The following CAMSAP3 variants were observed in gnomAD, a reference collection of about 807,000 sequenced individuals.
CAMSAP3 encodes calmodulin-regulated spectrin-associated protein 3.
In CAMSAP3, 34 loss-of-function variants were observed where a neutral mutation model predicts 112.5. The ratio of observed to expected loss-of-function variants is 0.30; its 90% CI spans 0.23 to 0.40. The LOEUF (loss-of-function observed/expected upper bound fraction) is 0.40. Ranked by LOEUF, CAMSAP3 falls within the 10% of genes least tolerant of loss-of-function variation. CAMSAP3 has a pLI of 1.00. For synonymous variants in CAMSAP3, 868 were observed against 799.8 expected (o/e 1.09, Z -1.44); for missense variants, 1,602 against 1,770.3 (o/e 0.90, Z 1.71).
Position 7,595,978 on chromosome 19 carries a change from C to T in CAMSAP3, c.-25C>T, listed in dbSNP as rs920177140. The T allele has an allele frequency of 2.9e-6, 3 of 1,051,120 alleles. No homozygotes were observed. Among genetic ancestry groups the T allele is most frequent in the Non-Finnish European group, 3.5e-6 (3 of 866,410 alleles). 65.1% of individuals were successfully genotyped at this position (1,051,120 alleles called of 1,614,324 possible). On this transcript the variant is annotated 5_prime_UTR_variant, in exon 1 of 17. Coordinates refer to ENST00000160298, the MANE Select transcript of CAMSAP3 (RefSeq NM_020902.2). ...GCCCAGCCCAGTCCGAGCGCGGACC[C>T]GGCGCCCGCAGCCCCGGCGCCGCCA... is the stretch of plus-strand genomic sequence containing the variant.
In CAMSAP3 at chr19:7,615,325, G is replaced by A. The variant is rs1327667319; in HGVS notation, c.2810+3G>A. 4.5e-6 allele frequency: 7 copies of A among 1,544,312 alleles called. No individual in the cohort carries two copies. In the Admixed American group the frequency reaches 1.4e-4, roughly 30 times the overall value. ...CAGCGGAGGGAGGAGGCCGCGAGGTGAGGCCGGGCCTGCCCGGGACGCCCG... is the reference window on the plus strand; with the variant it reads ...CAGCGGAGGGAGGAGGCCGCGAGGTAAGGCCGGGCCTGCCCGGGACGCCCG... On this transcript the variant is annotated splice_donor_region_variant and intron_variant, in intron 12 of 16. Transcript: ENST00000160298. The surrounding 1 kb of genome is among the most constrained non-coding windows in gnomAD (Gnocchi z 6.5).
chr19:7,598,119 G>A (rs2024475433), intron 1 of CAMSAP3, among the ~76,000 whole-genome samples: 1 of 152,144 alleles, frequency 6.6e-6, no homozygotes, highest in Non-Finnish European at 1.5e-5. Flanking sequence ...GGCAGAGGGG[G>A]ATGGGCAGGA....
In CAMSAP3 at chr19:7,610,606, G is replaced by T. The variant is rs368708110; in HGVS notation, c.891G>T (p.Pro297=). Reference sequence around the variant, plus strand: ...TTGAGGACTTGCTGTACGTCCCACCGCCACTCAAGGTAAGGCCATCCTGGG... The same window carrying T: ...TTGAGGACTTGCTGTACGTCCCACCTCCACTCAAGGTAAGGCCATCCTGGG... ...LSLEDLLYVP[P]PLKVNLVVML... The change falls in exon 6 of 17, where the codon CCG becomes CCT. Residue 297 remains proline, a synonymous_variant. Coordinates refer to ENST00000160298, the MANE Select transcript of CAMSAP3 (RefSeq NM_020902.2). The surrounding 1 kb of genome is among the most constrained non-coding windows in gnomAD (Gnocchi z 4.9). 1.2e-6 allele frequency: 2 copies of T among 1,613,496 alleles called. 1 individual carries two copies.
intron 1 of CAMSAP3, among the ~76,000 whole-genome samples, chr19:7,600,963 TATCCATCCATCC>T (rs528936186): frequency 1.4e-4 from 17 of 124,324 alleles, no homozygotes; most frequent in Non-Finnish European, 2.8e-4. Flanking sequence ...TTCATCCATT[TATCCATCCATCC>T]ATCCATCCAT....
At chr19:7,606,223 C>CA in intron 2 of CAMSAP3, 48 bp from the exon 3 acceptor site, 1 of 1,353,204 alleles carries the variant, frequency 7.4e-7, no homozygotes, top group African/African-American at 1.6e-5. Context: ...GGCCGAGGTG[C>CA]GCCTCCTGCA....
In CAMSAP3 at chr19:7,605,293, C is replaced by T; in HGVS notation, c.216C>T (p.Pro72=). Reference sequence around the variant, plus strand: ...AGTACGCGCAGGAGCATGTGAAGCCCCCGGTGACACGGCTGCTGCTCTCAG... The same window carrying T: ...AGTACGCGCAGGAGCATGTGAAGCCTCCGGTGACACGGCTGCTGCTCTCAG... ...TDQYAQEHVK[P]PVTRLLLSAE... is the part of the protein sequence containing the mutation. Residue 72 remains proline, a synonymous_variant, in exon 2 of 17, where the codon CCC becomes CCT. Coordinates refer to ENST00000160298, the MANE Select transcript of CAMSAP3 (RefSeq NM_020902.2). The T allele has an allele frequency of 1.2e-6, 2 of 1,611,656 alleles. No homozygotes were observed. Among genetic ancestry groups the T allele is most frequent in the Non-Finnish European group, 1.7e-6 (2 of 1,178,982 alleles).
In CAMSAP3 at chr19:7,612,317, G is replaced by A. The variant is rs1201263769; in HGVS notation, c.1824G>A (p.Glu608=). The change falls in exon 11 of 17, where the codon GAG becomes GAA. Residue 608 remains glutamate (E), a synonymous_variant. Transcript: ENST00000160298. ...TGAGTGAGCTCAGCGCCCGGCTGGA[G>A]GAGAAACGCAGAGCCATCGAGGCTC... ...SEMSELSARL[E]EKRRAIEAQK... 5.0e-6 allele frequency: 8 copies of A among 1,605,488 alleles called. No homozygotes were observed. In the South Asian group the frequency reaches 8.9e-5, roughly 18 times the overall value.
At position 7,615,167 on chromosome 19, in the gene CAMSAP3, C is replaced by T. The variant is rs1288960318; in HGVS notation, c.2671-16C>T. Reference sequence around the variant, plus strand: ...GGGGGAGGGGGTGGCTGGCTGGACTCGGCGTCTGTCCCCAGGATGAAGACA... The same window carrying T: ...GGGGGAGGGGGTGGCTGGCTGGACTTGGCGTCTGTCCCCAGGATGAAGACA... On this transcript the variant is annotated splice_polypyrimidine_tract_variant and intron_variant, in intron 11 of 16. Transcript: ENST00000160298. This position sits in a 1 kb window ranked among gnomAD's most constrained non-coding sequence, Gnocchi z 6.5. The T allele has an allele frequency of 3.9e-6, 6 of 1,553,470 alleles. No homozygotes were observed. Among genetic ancestry groups the T allele is most frequent in the East Asian group, 2.4e-5 (1 of 41,250 alleles).
rs984129581 is a variant in CAMSAP3, at chr19:7,610,435, C to T, written c.761-41C>T. 6.4e-7 allele frequency: 1 copy of T among 1,569,034 alleles called. No individual in the cohort carries two copies. The highest frequency in any genetic ancestry group is 8.6e-7 in the Non-Finnish European group (1 of 1,156,942). Reference sequence around the variant, plus strand: ...CTGGCTTCCCTGGGGCCCCATCCTCCTCCTCATAGAGTTGGGGACCCACTC... The same window carrying T: ...CTGGCTTCCCTGGGGCCCCATCCTCTTCCTCATAGAGTTGGGGACCCACTC... On this transcript the variant is annotated intron_variant, in intron 5 of 16. Coordinates refer to ENST00000160298, the MANE Select transcript of CAMSAP3 (RefSeq NM_020902.2). The surrounding 1 kb of genome is among the most constrained non-coding windows in gnomAD (Gnocchi z 4.9).
At position 7,617,763 on chromosome 19, in the gene CAMSAP3, A is replaced by G. The variant is rs748356578; in HGVS notation, c.3456A>G (p.Lys1152=). The part of the protein sequence containing the change: ...QKNRILEEIE[K]SKANHFLILF... ...GCACTCCTGCCCAGGAAATTGAGAA[A>G]AGCAAGGCCAACCACTTCCTGATCC... Residue 1152 remains lysine (K), a synonymous_variant, in exon 17 of 17, where the codon AAA becomes AAG. Transcript: ENST00000160298. This position sits in a 1 kb window ranked among gnomAD's most constrained non-coding sequence, Gnocchi z 7.5. 2.5e-6 allele frequency: 4 copies of G among 1,611,882 alleles called. No homozygotes were observed. Among genetic ancestry groups the G allele is most frequent in the Non-Finnish European group, 3.4e-6 (4 of 1,178,408 alleles).
intron 1 of CAMSAP3, among the ~76,000 whole-genome samples, chr19:7,598,989 G>A (rs1408381839): frequency 6.6e-6 from 1 of 152,014 alleles, no homozygotes; most frequent in Non-Finnish European, 1.5e-5. Context: ...AGGATTAAAT[G>A]ACTGGATGCA....
chr19:7,608,493 A>C (rs1432610842), intron 5 of CAMSAP3, among the ~76,000 whole-genome samples: 1 of 152,184 alleles, frequency 6.6e-6, no homozygotes, highest in Non-Finnish European at 1.5e-5. Flanking sequence ...TCATTCCTGC[A>C]GCAGATGAAA....
At chr19:7,616,389 TA>T (rs2030790167) in intron 13 of CAMSAP3, 133 bp from the exon 14 acceptor site, 1 of 665,220 alleles carries the variant, frequency 1.5e-6, no homozygotes, top group Middle Eastern at 3.8e-4. Context: ...GGTCCCCCCA[TA>T]GGGGTGCTGC....
chr19:7,611,270 T>TC lies in CAMSAP3; in HGVS notation c.1123+104dup, dbSNP rs2030471896. On this transcript the variant is annotated intron_variant, in intron 9 of 16. Transcript: ENST00000160298. This position sits in a 1 kb window ranked among gnomAD's most constrained non-coding sequence, Gnocchi z 6.9. ...TCCTCGTGAGCCTTCCAATAGCCTC[T>TC]CCATCAGATCCCCCTTGGGCATCCC... 2 of 1,179,016 alleles carry TC rather than the reference T, an allele frequency of 1.7e-6. No individual in the cohort carries two copies. The highest frequency in any genetic ancestry group is 2.5e-6 in the Non-Finnish European group (2 of 806,822). 73.0% of individuals were successfully genotyped at this position (1,179,016 alleles called of 1,614,324 possible).
Position 7,607,926 on chromosome 19 carries a change from GC to G in CAMSAP3, c.622-198del. 1 of 821,388 alleles carries G rather than the reference GC, an allele frequency of 1.2e-6. No individual in the cohort carries two copies. 50.9% of individuals were successfully genotyped at this position (821,388 alleles called of 1,614,324 possible). On this transcript the variant is annotated intron_variant, in intron 4 of 16. Coordinates refer to ENST00000160298, the MANE Select transcript of CAMSAP3 (RefSeq NM_020902.2). The surrounding 1 kb of genome is among the most constrained non-coding windows in gnomAD (Gnocchi z 4.9). ...TCCCTGTCCCCAGCCCCCGCTGCTG[GC>G]CTGGCTGCTCGAAGACATCTCCTCT... is the stretch of plus-strand genomic sequence containing the variant.
In CAMSAP3 at chr19:7,610,935, C is replaced by G. The variant is rs774508473; in HGVS notation, c.1049+4C>G. Reference sequence around the variant, plus strand: ...CTCAGAACAACAGCGGCAGTAGGTACGCTCCCCACACTGGGCGAGTCTCTG... The same window carrying G: ...CTCAGAACAACAGCGGCAGTAGGTAGGCTCCCCACACTGGGCGAGTCTCTG... On this transcript the variant is annotated splice_donor_region_variant and intron_variant, in intron 8 of 16. Transcript: ENST00000160298. The surrounding 1 kb of genome is among the most constrained non-coding windows in gnomAD (Gnocchi z 4.9). 1.3e-6 allele frequency: 2 copies of G among 1,580,524 alleles called. No homozygotes were observed. The highest frequency in any genetic ancestry group is 1.2e-5 in the South Asian group (1 of 85,368).
In CAMSAP3 at chr19:7,612,962, C is replaced by G; in HGVS notation, c.2469C>G (p.Arg823=). 4 of 1,604,334 alleles carry G rather than the reference C, an allele frequency of 2.5e-6. No individual in the cohort carries two copies. The highest frequency in any genetic ancestry group is 3.4e-6 in the Non-Finnish European group (4 of 1,177,308). ...CGAGCCAGGTGCCCGTGCAGACGCG[C>G]TCTTCCATCCTCCTGGCGGAGGAGA... is the stretch of plus-strand genomic sequence containing the variant. ...FSPSQVPVQT[R]SSILLAEETP... Residue 823 remains arginine, a synonymous_variant, in exon 11 of 17, where the codon CGC becomes CGG. Transcript: ENST00000160298.
intron 1 of CAMSAP3, among the ~76,000 whole-genome samples, chr19:7,598,563 G>A (rs2029861654): frequency 6.6e-6 from 1 of 152,158 alleles, no homozygotes; most frequent in Non-Finnish European, 1.5e-5. Context: ...CAGAACACAA[G>A]CTTGGAGATT....
In CAMSAP3 at chr19:7,615,111, G is replaced by T. The variant is rs921829051; in HGVS notation, c.2671-72G>T. ...GCACAGGTGGGTGGCGGGCAGGCTGGGTGGAGGGAAGATGGGCCTCCAGCC... is the reference window on the plus strand; with the variant it reads ...GCACAGGTGGGTGGCGGGCAGGCTGTGTGGAGGGAAGATGGGCCTCCAGCC... On this transcript the variant is annotated intron_variant, in intron 11 of 16. Transcript: ENST00000160298. This position sits in a 1 kb window ranked among gnomAD's most constrained non-coding sequence, Gnocchi z 6.5. The T allele has an allele frequency of 1.3e-6, 2 of 1,533,802 alleles. No homozygotes were observed. Among genetic ancestry groups the T allele is most frequent in the African/African-American group, 1.4e-5 (1 of 72,732 alleles).
Sources: gnomAD v4.1 joint callset for allele counts (sites outside exome capture counted in the v4.1 genomes callset) on GRCh38, gnomAD v4.1.1 for gene constraint, Gnocchi (gnomAD v3.1) non-coding constraint, MANE v1.5 for transcripts, NCBI Gene and HGNC (gene_info 2026-07-23, HGNC 2026-07-21) for gene names.